The following AGBL4 variants were observed in gnomAD, a reference collection of about 807,000 sequenced individuals.
AGBL4 encodes the protein cytosolic carboxypeptidase 6.
In AGBL4, 58 loss-of-function variants were observed where a neutral mutation model predicts 66.4. The observed-to-expected ratio is 0.87, with a 90% CI of 0.71 to 1.09. The LOEUF is 1.09. Among genes scored for constraint, AGBL4 ranks in the 50% least tolerant of loss-of-function variants. AGBL4 has a pLI of 0.00. For synonymous variants in AGBL4, 234 were observed against 222.9 expected, an observed-to-expected ratio of 1.05 and a Z score of -0.44; for missense variants, 579 against 631.0, an observed-to-expected ratio of 0.92 and a Z score of 0.88.
At chr1:48,540,752 C>T (rs1341204197) in intron 11 of AGBL4, among the ~76,000 whole-genome samples, 2 of 152,172 alleles carry the variant, frequency 1.3e-5, no homozygotes, top group Admixed American at 1.3e-4. Flanking sequence ...ACTAACCCTT[C>T]TCCAAGACAC....
At chr1:49,442,031 AG>A in intron 3 of AGBL4, among the ~76,000 whole-genome samples, 1 of 152,328 alleles carries the variant, frequency 6.6e-6, no homozygotes, top group Middle Eastern at 3.4e-3. Context: ...ACCATTCCTC[AG>A]GGTGATCAGC....
intron 6 of AGBL4, among the ~76,000 whole-genome samples, chr1:48,716,645 A>G (rs1229043667): frequency 6.6e-6 from 1 of 152,146 alleles, no homozygotes; most frequent in Admixed American, 6.5e-5. Flanking sequence ...CTGAGCAATC[A>G]ATTTTATGTG....
chr1:49,207,511 C>CTT (rs1239369234), intron 4 of AGBL4, among the ~76,000 whole-genome samples: 14 of 139,138 alleles, frequency 1.0e-4, no homozygotes, highest in East Asian at 4.2e-4. Context: ...CTTTCTTTTT[C>CTT]TTTCTTTCTT....
At chr1:49,151,355 T>C (rs1376313613) in intron 4 of AGBL4, among the ~76,000 whole-genome samples, 1 of 150,998 alleles carries the variant, frequency 6.6e-6, no homozygotes, top group Non-Finnish European at 1.5e-5. Flanking sequence ...TTCAGGGAAG[T>C]TTTTGTCACC....
intron 1 of AGBL4, among the ~76,000 whole-genome samples, chr1:49,984,241 A>G (rs559607035): frequency 2.2e-4 from 33 of 152,336 alleles, no homozygotes; most frequent in Middle Eastern, 6.8e-3. Context: ...CTAACTGACT[A>G]ACCATAACTA....
At chr1:49,012,032 A>C (rs1164267793) in intron 5 of AGBL4, among the ~76,000 whole-genome samples, 1 of 151,596 alleles carries the variant, frequency 6.6e-6, no homozygotes, top group African/African-American at 2.4e-5. Flanking sequence ...AAAATATAAT[A>C]ATAAAAGAAA....
At chr1:49,077,237 A>C (rs959879283) in intron 4 of AGBL4, among the ~76,000 whole-genome samples, 1 of 152,118 alleles carries the variant, frequency 6.6e-6, no homozygotes, top group African/African-American at 2.4e-5. Context: ...AATGCAAGAA[A>C]ATATTTTTTG....
intron 3 of AGBL4, among the ~76,000 whole-genome samples, chr1:49,530,200 T>C (rs1256584263): frequency 6.7e-6 from 1 of 148,754 alleles, no homozygotes; most frequent in East Asian, 1.9e-4. Context: ...TCCCTTACAT[T>C]TGGATTTTAC....
At chr1:49,307,328 A>G (rs979109285) in intron 3 of AGBL4, among the ~76,000 whole-genome samples, 5 of 152,102 alleles carry the variant, frequency 3.3e-5, no homozygotes, top group Non-Finnish European at 5.9e-5. Flanking sequence ...TGAAAACAAA[A>G]ACAAAAACAA....
At chr1:48,945,406 G>C (rs1656413521) in intron 5 of AGBL4, among the ~76,000 whole-genome samples, 1 of 152,098 alleles carries the variant, frequency 6.6e-6, no homozygotes, top group Admixed American at 6.5e-5. Context: ...GCACATTCTA[G>C]CTCAAGCATT....
At chr1:49,141,094 A>G (rs911603332) in intron 4 of AGBL4, among the ~76,000 whole-genome samples, 2 of 152,190 alleles carry the variant, frequency 1.3e-5, no homozygotes, top group African/African-American at 4.8e-5. Context: ...TTGGTACTAA[A>G]AAAAGAAGAT....
At chr1:48,554,610 T>A (rs1007076916) in intron 11 of AGBL4, among the ~76,000 whole-genome samples, 6 of 152,334 alleles carry the variant, frequency 3.9e-5, no homozygotes, top group African/African-American at 1.4e-4. Context: ...TTATGATTTT[T>A]TTTTTCTGCT....
chr1:49,721,284 C>G (rs1648586897), intron 2 of AGBL4, among the ~76,000 whole-genome samples: 2 of 152,288 alleles, frequency 1.3e-5, no homozygotes. Context: ...TCCCCTTCGA[C>G]ACTGTGGAAG....
At chr1:48,807,468 A>T (rs1418772273) in intron 6 of AGBL4, among the ~76,000 whole-genome samples, 1 of 152,188 alleles carries the variant, frequency 6.6e-6, no homozygotes, top group Non-Finnish European at 1.5e-5. Flanking sequence ...ATTTGTAGAG[A>T]AATAACTCAA....
intron 4 of AGBL4, among the ~76,000 whole-genome samples, chr1:49,059,025 T>TG (rs1405533924): frequency 6.6e-6 from 1 of 152,240 alleles, no homozygotes; most frequent in Non-Finnish European, 1.5e-5. Context: ...ACCCATTTTC[T>TG]GGGGAGAAAT....
At chr1:48,742,452 C>T (rs746822732) in intron 6 of AGBL4, among the ~76,000 whole-genome samples, 15 of 151,976 alleles carry the variant, frequency 9.9e-5, no homozygotes, top group Non-Finnish European at 2.1e-4. Flanking sequence ...GAGAAAACGC[C>T]CCAGCAAAGC....
At chr1:48,853,649 C>T (rs369012053) in intron 6 of AGBL4, among the ~76,000 whole-genome samples, 9 of 152,088 alleles carry the variant, frequency 5.9e-5, no homozygotes, top group South Asian at 2.1e-4. Context: ...AGAGAGGATT[C>T]GAACATATAA....
intron 6 of AGBL4, among the ~76,000 whole-genome samples, chr1:48,669,875 T>C (rs1646248430): frequency 6.6e-6 from 1 of 152,146 alleles, no homozygotes; most frequent in Non-Finnish European, 1.5e-5. Flanking sequence ...CAAGATTTAT[T>C]TTCAGTTCCC....
intron 2 of AGBL4, among the ~76,000 whole-genome samples, chr1:49,787,609 T>A (rs559343513): frequency 6.6e-6 from 1 of 152,242 alleles, no homozygotes; most frequent in East Asian, 1.9e-4. Context: ...ACTCTCAGGT[T>A]TGATAGGTCA....
Sources: gnomAD v4.1 joint callset for allele counts (sites outside exome capture counted in the v4.1 genomes callset) on GRCh38, gnomAD v4.1.1 for gene constraint, MANE v1.5 for transcripts, NCBI Gene and HGNC (gene_info 2026-07-23, HGNC 2026-07-21) for gene names.